GLI3: variants seen among roughly 807,000 people sequenced by gnomAD.
GLI3 encodes the protein GLI family zinc finger 3.
GLI3 carries 20 observed loss-of-function variants against 100.8 expected under a neutral mutation model. The observed-to-expected ratio is 0.20, with a 90% CI of 0.14 to 0.29. The LOEUF is 0.29. GLI3 is among the 10% of genes least tolerant of loss of function. The probability of loss-of-function intolerance (pLI) is 1.00; values close to 1 mark genes in which losing one functional copy is unlikely to be tolerated. For synonymous variants in GLI3, 938 were observed against 860.5 expected (o/e 1.09, Z -1.58); for missense variants, 2,040 against 2,128.5 (o/e 0.96, Z 0.82).
chr7:42,111,386 G>T (rs936325590), intron 3 of GLI3, among the ~76,000 whole-genome samples: 2 of 152,198 alleles, frequency 1.3e-5, no homozygotes, highest in Non-Finnish European at 2.9e-5. Context: ...CAAGGGGTCT[G>T]GACGGTGTTG....
chr7:42,045,804 A>C (rs916482830), intron 5 of GLI3, among the ~76,000 whole-genome samples: 1 of 152,236 alleles, frequency 6.6e-6, no homozygotes, highest in African/African-American at 2.4e-5. Context: ...GAATGATTAA[A>C]ATGTATATAT....
chr7:42,069,062 C>A (rs6960695), intron 4 of GLI3, among the ~76,000 whole-genome samples: 47,722 of 152,058 alleles, frequency 0.31, 8,341 homozygotes, highest in East Asian at 0.53. Flanking sequence ...TTGACAGCAG[C>A]CTCTATAGAG....
chr7:42,014,329 C>T (rs2299143), intron 10 of GLI3, among the ~76,000 whole-genome samples: 54,742 of 152,076 alleles, frequency 0.36, 11,904 homozygotes, highest in Admixed American at 0.54. Flanking sequence ...TTCTGCCTTC[C>T]GGACATACTT....
chr7:42,000,147 G>A (rs952578339), intron 10 of GLI3, among the ~76,000 whole-genome samples: 7 of 152,214 alleles, frequency 4.6e-5, no homozygotes, highest in African/African-American at 1.7e-4. Context: ...GAAGGGGATG[G>A]AGAAAGAAAA....
rs1371775883 is a variant in GLI3, at chr7:42,153,578, A to C, written c.125-5110T>G. On this transcript the variant is annotated intron_variant, in intron 2 of 14. Coordinates refer to ENST00000395925, the MANE Select transcript of GLI3 (RefSeq NM_000168.6). The stretch of plus-strand genomic sequence containing the variant: ...GGGCGGGCAGGGAGGAGGCAACAAA[A>C]TGTTAAGGGGGGGTGGGGGGAAAGA... Among the ~76,000 whole-genome samples, 4 of 97,002 alleles carry C rather than the reference A, an allele frequency of 4.1e-5. No individual in the cohort carries two copies. In the East Asian group the frequency reaches 1.3e-3, roughly 31 times the overall value. The allele number at this position is 97,002 out of a possible 152,430, so 63.6% of individuals were successfully genotyped here.
chr7:42,067,427 A>C (rs958844588), intron 4 of GLI3, among the ~76,000 whole-genome samples: 17 of 152,176 alleles, frequency 1.1e-4, no homozygotes, highest in African/African-American at 4.1e-4. Flanking sequence ...TTGTTTTGCA[A>C]ATGAGGCAAT....
upstream of GLI3, among the ~76,000 whole-genome samples, chr7:42,237,560 TCTCCTCCTCTTCCTCCTCCTCCCCGCG>T (rs1346864273): frequency 6.7e-6 from 1 of 148,590 alleles, no homozygotes; most frequent in Non-Finnish European, 1.5e-5. Context: ...CCTTCCCTTC[TCTCCTCCTCTTCCTCCTCCTCCCCGCG>T]CTCCTCCTCC....
intron 2 of GLI3, among the ~76,000 whole-genome samples, chr7:42,180,390 G>A (rs1200275466): frequency 6.6e-6 from 1 of 152,226 alleles, no homozygotes; most frequent in Non-Finnish European, 1.5e-5. Flanking sequence ...AGCTCCAATG[G>A]CCCTGTGAAA....
intron 13 of GLI3, among the ~76,000 whole-genome samples, chr7:41,970,308 G>T (rs1254247348): frequency 2.0e-5 from 3 of 152,094 alleles, no homozygotes; most frequent in African/African-American, 7.2e-5. Context: ...AACTAGAAAT[G>T]TAAATTTCAT....
At chr7:41,998,727 T>C (rs895083489) in intron 10 of GLI3, among the ~76,000 whole-genome samples, 2 of 152,232 alleles carry the variant, frequency 1.3e-5, no homozygotes, top group African/African-American at 4.8e-5. Context: ...AAGCTATGGA[T>C]ATTTTCACCT....
chr7:42,161,199 AC>A (rs572045726), intron 2 of GLI3, among the ~76,000 whole-genome samples: 45 of 152,302 alleles, frequency 3.0e-4, no homozygotes, highest in Middle Eastern at 3.4e-3. Flanking sequence ...TATATCTCAA[AC>A]TTTTTAATGG....
chr7:42,107,105 C>T (rs1310065318), intron 3 of GLI3, among the ~76,000 whole-genome samples: 1 of 152,010 alleles, frequency 6.6e-6, no homozygotes, highest in Non-Finnish European at 1.5e-5. Context: ...TGCTTGAGCC[C>T]AGGAGTTTGA....
At chr7:42,198,597 G>T (rs1019952853) in intron 2 of GLI3, among the ~76,000 whole-genome samples, 1 of 152,144 alleles carries the variant, frequency 6.6e-6, no homozygotes, top group Non-Finnish European at 1.5e-5. Flanking sequence ...AGGTGGTTTG[G>T]CAAGACCTGG....
chr7:42,166,194 T>C (rs1463091909), intron 2 of GLI3, among the ~76,000 whole-genome samples: 1 of 152,222 alleles, frequency 6.6e-6, no homozygotes, highest in Non-Finnish European at 1.5e-5. Flanking sequence ...TACCAGAGCA[T>C]TTCTTACCTT....
chr7:42,253,201 C>A (rs1456005580), intron 1 of GLI3, among the ~76,000 whole-genome samples: 4 of 152,230 alleles, frequency 2.6e-5, no homozygotes, highest in Admixed American at 6.5e-5. Flanking sequence ...TGCCCCACAA[C>A]CATCAGCATC....
intron 5 of GLI3, among the ~76,000 whole-genome samples, chr7:42,046,021 G>A (rs998780338): frequency 6.6e-6 from 1 of 152,162 alleles, no homozygotes; most frequent in Non-Finnish European, 1.5e-5. Flanking sequence ...AAAAAAGGCA[G>A]CACAGCTTTA....
chr7:42,024,688 A>G (rs888301145), intron 9 of GLI3, among the ~76,000 whole-genome samples: 14 of 152,342 alleles, frequency 9.2e-5, no homozygotes, highest in African/African-American at 3.1e-4. Context: ...TTAAGTGACT[A>G]GAGGCGGAGT....
intron 3 of GLI3, among the ~76,000 whole-genome samples, chr7:42,096,690 G>C (rs537051555): frequency 1.3e-5 from 2 of 152,206 alleles, no homozygotes; most frequent in South Asian, 4.1e-4. Context: ...TGCCTGGAGA[G>C]GGGGAAGGAA....
At chr7:42,108,605 T>C (rs1785631819) in intron 3 of GLI3, among the ~76,000 whole-genome samples, 1 of 152,152 alleles carries the variant, frequency 6.6e-6, no homozygotes. Context: ...CCCTCTACAG[T>C]GCCCAAACAC....
Sources: allele counts gnomAD v4.1 joint callset (sites outside exome capture counted in the v4.1 genomes callset), GRCh38; gene constraint gnomAD v4.1.1; transcripts MANE v1.5; gene names NCBI Gene and HGNC (gene_info 2026-07-23, HGNC 2026-07-21).